VIRMA: variants seen among roughly 807,000 people sequenced by gnomAD.
VIRMA encodes vir like m6A methyltransferase associated.
Under a neutral mutation model 182.4 loss-of-function variants are expected in VIRMA, and 65 were observed. The ratio of observed to expected loss-of-function variants is 0.36; its 90% CI spans 0.29 to 0.44. The LOEUF (loss-of-function observed/expected upper bound fraction) is 0.44, where lower values mean the gene tolerates loss of function less well. VIRMA is among the 20% of genes least tolerant of loss of function. The pLI, the probability that VIRMA is intolerant of heterozygous loss-of-function variation, is 1.00. For synonymous variants in VIRMA, 709 were observed against 743.1 expected, an observed-to-expected ratio of 0.95 and a Z score of 0.75; for missense variants, 1,752 against 2,158.1, an observed-to-expected ratio of 0.81 and a Z score of 3.73.
chr8:94,515,062 T>C, intron 10 of VIRMA, 111 bp from the exon 11 acceptor site: 7 of 536,166 alleles, frequency 1.3e-5, no homozygotes, highest in South Asian at 6.8e-5. Context: ...ATTTCAATCA[T>C]CTAAACTTCA....
chr8:94,507,987 G>A (rs550644459), intron 15 of VIRMA, among the ~76,000 whole-genome samples: 15 of 126,056 alleles, frequency 1.2e-4, no homozygotes, highest in East Asian at 4.5e-4. Flanking sequence ...GTATATATGT[G>A]TATATATATA....
intron 16 of VIRMA, among the ~76,000 whole-genome samples, chr8:94,503,322 G>A (rs551656010): frequency 1.3e-5 from 2 of 152,192 alleles, no homozygotes; most frequent in Non-Finnish European, 2.9e-5. Context: ...TCAGCCAAGT[G>A]ATCAAGGTCA....
intron 3 of VIRMA, 70 bp downstream of exon 3, chr8:94,538,189 TA>T: frequency 1.0e-6 from 1 of 984,598 alleles, no homozygotes; most frequent in Non-Finnish European, 1.6e-6. Context: ...TTCTTCTATC[TA>T]AAGAATCAAT....
chr8:94,525,196 A>G lies in VIRMA; in HGVS notation c.2021+1027T>C, dbSNP rs1200769893. On this transcript the variant is annotated intron_variant, in intron 8 of 23. Transcript: ENST00000297591. ...AAAGAGTTAAAAGTTTCTTGTGGGC[A>G]TCCTTGAACCAAAGGGGAGAGTTGG... Among the ~76,000 whole-genome samples, 3 of 152,222 alleles carry G rather than the reference A, an allele frequency of 2.0e-5. No individual in the cohort carries two copies. In the East Asian group the frequency reaches 5.8e-4, roughly 29 times the overall value.
At chr8:94,519,523 T>C (rs763651833) in intron 8 of VIRMA, 47 bp from the exon 9 acceptor site, 54 of 1,502,062 alleles carry the variant, frequency 3.6e-5, no homozygotes, top group South Asian at 2.8e-4. Context: ...CAAAGCATTC[T>C]TCATTTACTC....
At chr8:94,501,571 GATA>G (rs1271070982) in intron 16 of VIRMA, among the ~76,000 whole-genome samples, 2 of 152,172 alleles carry the variant, frequency 1.3e-5, no homozygotes, top group Admixed American at 6.5e-5. Context: ...AGCAAATATA[GATA>G]ATGAGAGCTG....
chr8:94,507,966 T>A (rs1043480789), intron 15 of VIRMA, among the ~76,000 whole-genome samples: 7 of 141,806 alleles, frequency 4.9e-5, no homozygotes, highest in African/African-American at 1.8e-4. Flanking sequence ...TATATACATA[T>A]GTGTATATAT....
Position 94,551,927 on chromosome 8 carries a change from C to T in VIRMA, c.63+1458G>A, listed in dbSNP as rs146747874. Among the ~76,000 whole-genome samples the T allele has an allele frequency of 3.4e-3, 510 of 152,238 alleles. 1 individual carries two copies. The highest frequency in any genetic ancestry group is 0.012 in the African/African-American group (493 of 41,546). On this transcript the variant is annotated intron_variant, in intron 1 of 23. Coordinates refer to ENST00000297591, the MANE Select transcript of VIRMA (RefSeq NM_015496.5). ...TAGAGACAGGGGTTGCACTGTGTTG[C>T]CTAGGATGGTCTCAAACTCCTGGAC...
Position 94,507,136 on chromosome 8 carries a change from TC to T in VIRMA, c.3880-420del, listed in dbSNP as rs753347855. Among the ~76,000 whole-genome samples the T allele has an allele frequency of 9.9e-5, 11 of 111,406 alleles. No homozygotes were observed. In the East Asian group the frequency reaches 3.1e-3, roughly 31 times the overall value. 73.1% of individuals were successfully genotyped at this position (111,406 alleles called of 152,430 possible). ...AAACTTTTCAGAGAAATAAAGTTTT[TC>T]TTTTTTTTTTTTTTTGAGACGGAGT... is the stretch of plus-strand genomic sequence containing the variant. On this transcript the variant is annotated intron_variant, in intron 15 of 23. Transcript: ENST00000297591.
intron 17 of VIRMA, chr8:94,496,746 G>C: frequency 3.2e-6 from 1 of 316,826 alleles, no homozygotes; most frequent in Non-Finnish European, 5.7e-6. Context: ...GCAAAACACT[G>C]GCAGTTGTAG....
intron 23 of VIRMA, among the ~76,000 whole-genome samples, chr8:94,489,264 C>T (rs1329822352): frequency 1.3e-5 from 2 of 152,200 alleles, no homozygotes; most frequent in African/African-American, 4.8e-5. Context: ...ATACCTTAAG[C>T]ATTGGCTTTC....
intron 4 of VIRMA, among the ~76,000 whole-genome samples, chr8:94,536,471 T>C (rs1234898190): frequency 1.3e-5 from 2 of 152,238 alleles, no homozygotes; most frequent in Non-Finnish European, 2.9e-5. Context: ...ATATGTACTT[T>C]TAAAAGAAAC....
At chr8:94,501,816 G>T (rs889294204) in intron 16 of VIRMA, among the ~76,000 whole-genome samples, 16 of 152,154 alleles carry the variant, frequency 1.1e-4, no homozygotes, top group Non-Finnish European at 1.8e-4. Context: ...AATTAGCCAG[G>T]CATGGTGGCT....
At chr8:94,534,713 CTCT>C in intron 5 of VIRMA, 123 bp downstream of exon 5, 1 of 1,122,806 alleles carries the variant, frequency 8.9e-7, no homozygotes, top group Non-Finnish European at 1.3e-6. Flanking sequence ...CTCTCCCCCT[CTCT>C]TCCTCTCTCC....
intron 15 of VIRMA, among the ~76,000 whole-genome samples, chr8:94,507,386 C>T (rs1041730248): frequency 3.3e-5 from 5 of 151,728 alleles, no homozygotes; most frequent in Non-Finnish European, 7.4e-5. Flanking sequence ...CCACCTGCCT[C>T]GGCCTCCCAA....
intron 22 of VIRMA, among the ~76,000 whole-genome samples, chr8:94,490,448 AAC>A: frequency 6.6e-6 from 1 of 152,318 alleles, no homozygotes; most frequent in South Asian, 2.1e-4. Flanking sequence ...TATTAATATA[AAC>A]ACAGATTCTC....
intron 8 of VIRMA, among the ~76,000 whole-genome samples, chr8:94,521,993 T>TA (rs1814787419): frequency 1.3e-5 from 2 of 152,202 alleles, no homozygotes; most frequent in Admixed American, 1.3e-4. Flanking sequence ...CCCGCACCCC[T>TA]AACTGATAAG....
intron 3 of VIRMA, 87 bp downstream of exon 3, chr8:94,538,173 A>G (rs1815406978): frequency 1.1e-6 from 1 of 884,676 alleles, no homozygotes. Flanking sequence ...CAGCAGATAC[A>G]TCCTTTTCTT....
rs772551517 is a variant in VIRMA, at chr8:94,511,281, A to T, written c.3294T>A (p.Val1098=). The T allele has an allele frequency of 6.8e-6, 11 of 1,614,012 alleles. No homozygotes were observed. Among genetic ancestry groups the T allele is most frequent in the Admixed American group, 3.3e-5 (2 of 59,994 alleles). The part of the protein sequence containing the change: ...NNTWSLMLKE[V]LSSILKVPEG... ...CAGGAACCTTCAAGATTGAAGAAAG[A>T]ACTTCTTTTAACATTAAAGACCAAG... Residue 1098 remains valine, a synonymous_variant, in exon 13 of 24, where the codon GTT becomes GTA. Transcript: ENST00000297591.
Sources: allele counts gnomAD v4.1 joint callset (sites outside exome capture counted in the v4.1 genomes callset), GRCh38; gene constraint gnomAD v4.1.1; transcripts MANE v1.5; gene names NCBI Gene and HGNC (gene_info 2026-07-23, HGNC 2026-07-21).